C3orf49: variants seen among roughly 807,000 people sequenced by gnomAD.
C3orf49 encodes the protein putative uncharacterized protein C3orf49.
A neutral mutation model predicts 13.3 loss-of-function variants in C3orf49; 27 were observed. The ratio of observed to expected loss-of-function variants is 2.02; its 90% CI spans 1.49 to 2.79. The LOEUF (loss-of-function observed/expected upper bound fraction) is 2.79. Ranked by LOEUF, C3orf49 falls within the 30% of genes most tolerant of loss-of-function variation. C3orf49 has a pLI of 0.00. For missense variants in C3orf49, 242 were observed against 134.2 expected (o/e 1.80, Z -3.97); for synonymous variants, 87 against 47.6 (o/e 1.83, Z -3.40).
At chr3:63,787,835 T>G in the C3orf49 span, among the ~76,000 whole-genome samples, 1 of 152,182 alleles carries the variant, frequency 6.6e-6, no homozygotes, top group African/African-American at 2.4e-5. Context: ...AACTCCCAGG[T>G]TCTGAAGCAT....
the C3orf49 span, among the ~76,000 whole-genome samples, chr3:63,797,854 C>T: frequency 6.6e-6 from 1 of 152,104 alleles, no homozygotes; most frequent in African/African-American, 2.4e-5. Context: ...GTATGAAAAG[C>T]CCTGGCCCTG....
chr3:63,841,391 AG>A (rs1701757459), intron 5 of C3orf49, among the ~76,000 whole-genome samples: 1 of 152,212 alleles, frequency 6.6e-6, no homozygotes, highest in South Asian at 2.1e-4. Context: ...TGTTTTTTAT[AG>A]TACGCAGTAA....
the C3orf49 span, among the ~76,000 whole-genome samples, chr3:63,793,298 C>A: frequency 2.0e-5 from 3 of 152,246 alleles, no homozygotes; most frequent in East Asian, 5.8e-4. Context: ...ATATCTCAGT[C>A]ATCCCAGGAA....
At chr3:63,817,760 C>T (rs979045198), upstream of C3orf49, among the ~76,000 whole-genome samples, 3 of 152,106 alleles carry the variant, frequency 2.0e-5, no homozygotes, top group African/African-American at 7.3e-5. Flanking sequence ...GCAAGTGTTT[C>T]AGCCTATTAC....
intron 2 of C3orf49, chr3:63,827,098 A>T (rs1223190724): frequency 1.3e-5 from 2 of 152,268 alleles, no homozygotes; most frequent in African/African-American, 4.8e-5. Context: ...CTTTATAAAT[A>T]CATTTATGGA....
chr3:63,786,996 C>T, the C3orf49 span: 2 of 152,110 alleles, frequency 1.3e-5, no homozygotes, highest in Non-Finnish European at 2.9e-5. Flanking sequence ...AGTTCATTAC[C>T]CTGAGTGCTA....
chr3:63,831,892 C>A, intron 5 of C3orf49, 48 bp downstream of exon 5: 1 of 681,126 alleles, frequency 1.5e-6, no homozygotes, highest in South Asian at 1.6e-5. Context: ...GTTCCTGATT[C>A]TTTAAAAGTT....
At chr3:63,790,546 T>C in the C3orf49 span, among the ~76,000 whole-genome samples, 1 of 151,236 alleles carries the variant, frequency 6.6e-6, no homozygotes, top group African/African-American at 2.4e-5. Context: ...TTAAATGGTG[T>C]ATAATTTCAT....
chr3:63,835,452 C>A (rs552191121), intron 5 of C3orf49: 2 of 1,479,086 alleles, frequency 1.4e-6, no homozygotes, highest in East Asian at 2.3e-5. Context: ...ACAATTAATG[C>A]CTAACTTTTA....
chr3:63,800,497 T>C, the C3orf49 span, among the ~76,000 whole-genome samples: 1 of 152,058 alleles, frequency 6.6e-6, no homozygotes, highest in African/African-American at 2.4e-5. Context: ...TAATATACCA[T>C]TTGTCAAGTG....
the C3orf49 span, among the ~76,000 whole-genome samples, chr3:63,808,199 T>C: frequency 2.0e-5 from 3 of 152,216 alleles, no homozygotes; most frequent in African/African-American, 7.2e-5. Flanking sequence ...CTCCTCATTG[T>C]TATTTAAGAG....
At chr3:63,790,870 G>T in the C3orf49 span, among the ~76,000 whole-genome samples, 1 of 152,108 alleles carries the variant, frequency 6.6e-6, no homozygotes, top group Non-Finnish European at 1.5e-5. Flanking sequence ...TGTGGAAGAG[G>T]GATTGAGATG....
chr3:63,824,543 A>T (rs1701441187), intron 2 of C3orf49, among the ~76,000 whole-genome samples: 1 of 152,208 alleles, frequency 6.6e-6, no homozygotes, highest in Non-Finnish European at 1.5e-5. Context: ...TTTTAAAAAA[A>T]TAAATGGAGT....
At chr3:63,821,975 CT>C (rs1159300560) in intron 1 of C3orf49, among the ~76,000 whole-genome samples, 7 of 148,364 alleles carry the variant, frequency 4.7e-5, no homozygotes, top group Admixed American at 6.7e-5. Flanking sequence ...GTATTTCTTT[CT>C]TTTTTTTTTG....
chr3:63,838,073 A>G lies in C3orf49; in HGVS notation c.849+6229A>G, dbSNP rs573529469. 2.7e-5 allele frequency: 43 copies of G among 1,582,234 alleles called. No individual in the cohort carries two copies. In the South Asian group the frequency reaches 4.6e-4, roughly 17 times the overall value. On this transcript the variant is annotated intron_variant, in intron 5 of 6. Coordinates refer to ENST00000295896, the MANE Select transcript of C3orf49 (RefSeq NM_001355236.2). ...CAGCTATGCTACATTCTATATGAGA[A>G]GGTTTTTTAAAAGATAGTTGTAACA...
At chr3:63,780,872 A>G in the C3orf49 span, among the ~76,000 whole-genome samples, 4 of 152,102 alleles carry the variant, frequency 2.6e-5, no homozygotes, top group South Asian at 2.1e-4. Flanking sequence ...TGAGTTCATT[A>G]TAGATTCTGG....
chr3:63,846,510 CTA>C (rs2107143032), intron 6 of C3orf49, among the ~76,000 whole-genome samples: 1 of 152,212 alleles, frequency 6.6e-6, no homozygotes, highest in African/African-American at 2.4e-5. Context: ...TGGGTTCAAG[CTA>C]TTCTCCTGCC....
upstream of C3orf49, among the ~76,000 whole-genome samples, chr3:63,817,232 G>C (rs959761227): frequency 6.6e-6 from 1 of 152,008 alleles, no homozygotes; most frequent in African/African-American, 2.4e-5. Flanking sequence ...CTTTCCTAAC[G>C]CTCCATCTAA....
chr3:63,844,451 C>T (rs558598025), intron 5 of C3orf49, among the ~76,000 whole-genome samples: 3 of 152,282 alleles, frequency 2.0e-5, no homozygotes, highest in African/African-American at 7.2e-5. Flanking sequence ...TCCAACACAT[C>T]ATACTGTACA....
Sources: allele counts gnomAD v4.1 joint callset (sites outside exome capture counted in the v4.1 genomes callset), GRCh38; gene constraint gnomAD v4.1.1; transcripts MANE v1.5; gene names NCBI Gene and HGNC (gene_info 2026-07-23, HGNC 2026-07-21).